The following ABCC1 variants were observed in gnomAD, a reference collection of about 807,000 sequenced individuals.
ABCC1 encodes the protein ATP binding cassette subfamily C member 1 (ABCC1 blood group).
Under a neutral mutation model 172.9 loss-of-function variants are expected in ABCC1, and 83 were observed. The ratio of observed to expected loss-of-function variants is 0.48; its 90% CI spans 0.40 to 0.58. ABCC1 has a LOEUF of 0.58. Among genes scored for constraint, ABCC1 ranks in the 20% least tolerant of loss-of-function variants. ABCC1 has a pLI of 0.00. For synonymous variants in ABCC1, 937 were observed against 825.2 expected (o/e 1.14, Z -2.32); for missense variants, 1,817 against 2,002.7 (o/e 0.91, Z 1.77).
chr16:16,113,269 C>T (rs79860964), intron 22 of ABCC1, among the ~76,000 whole-genome samples: 2,041 of 152,296 alleles, frequency 0.013, 56 homozygotes, highest in African/African-American at 0.047. Context: ...GTGGTATTAC[C>T]TGAACTCACA....
intron 7 of ABCC1, among the ~76,000 whole-genome samples, chr16:16,043,402 G>C (rs1268091980): frequency 6.6e-6 from 1 of 150,802 alleles, no homozygotes; most frequent in Non-Finnish European, 1.5e-5. Context: ...GGGTTTAAGC[G>C]ATTCTCCTGC....
intron 1 of ABCC1, among the ~76,000 whole-genome samples, chr16:15,957,880 C>T (rs1327996883): frequency 6.6e-6 from 1 of 152,246 alleles, no homozygotes; most frequent in East Asian, 1.9e-4. Flanking sequence ...GCATGAGCCA[C>T]TGTGGCCCGC....
rs147714964 is a variant in ABCC1 at position 16,070,566 on chromosome 16, GAGGC to G, written c.1825-1072_1825-1069del. 5.3e-5 allele frequency among the ~76,000 whole-genome samples: 8 copies of G among 152,114 alleles called. No individual in the cohort carries two copies. The East Asian group carries it at 1.4e-3, about 26-fold the overall frequency. On this transcript the variant is annotated intron_variant, in intron 13 of 30. Coordinates refer to ENST00000399410, the MANE Select transcript of ABCC1 (RefSeq NM_004996.4). The stretch of plus-strand genomic sequence containing the variant: ...TGTAGTCCCAGCTACTCGGTTGGCT[GAGGC>G]AGGAGAATGTTGTGAACCCGGGAGG...
intron 27 of ABCC1, among the ~76,000 whole-genome samples, chr16:16,133,324 C>A (rs1161189105): frequency 2.0e-5 from 3 of 152,208 alleles, no homozygotes; most frequent in Non-Finnish European, 4.4e-5. Context: ...CAGATAATTT[C>A]TCTCTGAGTT....
intron 3 of ABCC1, among the ~76,000 whole-genome samples, 182 bp downstream of exon 3, chr16:16,010,083 A>C (rs1392690154): frequency 8.8e-6 from 1 of 114,168 alleles, no homozygotes; most frequent in Non-Finnish European, 1.6e-5. Context: ...TCTCGCTTTC[A>C]TCCAGGCTGG....
At chr16:16,127,916 G>GTTTT (rs371440132) in intron 26 of ABCC1, among the ~76,000 whole-genome samples, 1 of 128,348 alleles carries the variant, frequency 7.8e-6, no homozygotes. Flanking sequence ...ATTTCATTAG[G>GTTTT]TTTTTTTTTT....
chr16:16,010,277 A>C (rs2047729743), intron 3 of ABCC1, among the ~76,000 whole-genome samples: 1 of 151,208 alleles, frequency 6.6e-6, no homozygotes. Flanking sequence ...CTGGTCTTAG[A>C]CTCCTGGCCT....
chr16:16,019,324 G>A (rs1177959340), intron 5 of ABCC1, among the ~76,000 whole-genome samples: 1 of 152,082 alleles, frequency 6.6e-6, no homozygotes, highest in African/African-American at 2.4e-5. Flanking sequence ...GGCTGGTCTC[G>A]AACTCCTGAC....
Position 16,081,848 on chromosome 16 carries a change from C to T in ABCC1, c.2116-1518C>T, listed in dbSNP as rs56684010. 5.3e-3 allele frequency among the ~76,000 whole-genome samples: 810 copies of T among 151,974 alleles called. 8 individuals carry two copies. The highest frequency in any genetic ancestry group is 0.019 in the African/African-American group (780 of 41,446). ...CAGCCTGACCAGCATGGCGAAACCCCGTCTCTACTGAAAATACAAAAATTA... is the reference window on the plus strand; with the variant it reads ...CAGCCTGACCAGCATGGCGAAACCCTGTCTCTACTGAAAATACAAAAATTA... On this transcript the variant is annotated intron_variant, in intron 16 of 30. Transcript: ENST00000399410.
At chr16:15,951,370 G>A (rs745642781) in intron 1 of ABCC1, among the ~76,000 whole-genome samples, 1 of 152,012 alleles carries the variant, frequency 6.6e-6, no homozygotes, top group South Asian at 2.1e-4. Flanking sequence ...ACTCATTCAC[G>A]AAGTCCAGTT....
intron 1 of ABCC1, among the ~76,000 whole-genome samples, chr16:15,956,311 G>A (rs1158828409): frequency 1.3e-5 from 2 of 151,834 alleles, no homozygotes; most frequent in African/African-American, 4.8e-5. Context: ...ACTGCAGTGA[G>A]CCGAGATCGC....
intron 1 of ABCC1, among the ~76,000 whole-genome samples, chr16:15,953,505 CGTA>C (rs1336239795): frequency 6.6e-6 from 1 of 152,130 alleles, no homozygotes; most frequent in Admixed American, 6.5e-5. Flanking sequence ...TGTGGGATAA[CGTA>C]GTACCTAGTG....
chr16:16,033,224 TGAATGAAC>T, intron 6 of ABCC1, 54 bp downstream of exon 6: 10 of 1,523,674 alleles, frequency 6.6e-6, no homozygotes, highest in Non-Finnish European at 9.1e-6. Flanking sequence ...AATGAATGAA[TGAATGAAC>T]GAATGAACAT....
intron 1 of ABCC1, among the ~76,000 whole-genome samples, chr16:15,975,378 A>G (rs555513121): frequency 4.6e-5 from 7 of 152,192 alleles, no homozygotes; most frequent in African/African-American, 1.7e-4. Context: ...CCCAGCTTGT[A>G]CACGTTGTTC....
chr16:16,141,396 C>A lies in ABCC1; in HGVS notation c.*115C>A. On this transcript the variant is annotated 3_prime_UTR_variant, in exon 31 of 31. Coordinates refer to ENST00000399410, the MANE Select transcript of ABCC1 (RefSeq NM_004996.4). Reference sequence around the variant, plus strand: ...CACACTGAAACCAAAACATAAAAACCAAACCCAGACAACCAAAACATATTC... The same window carrying A: ...CACACTGAAACCAAAACATAAAAACAAAACCCAGACAACCAAAACATATTC... 1.1e-6 allele frequency: 1 copy of A among 911,644 alleles called. No individual in the cohort carries two copies. The highest frequency in any genetic ancestry group is 1.5e-5 in the South Asian group (1 of 64,586). The allele number at this position is 911,644 out of a possible 1,614,324, so 56.5% of individuals were successfully genotyped here.
intron 19 of ABCC1, among the ~76,000 whole-genome samples, chr16:16,094,829 T>C (rs1372908393): frequency 6.8e-6 from 1 of 147,410 alleles, no homozygotes; most frequent in Non-Finnish European, 1.5e-5. Flanking sequence ...TTTTTTTTTT[T>C]TTTTTTTGAT....
intron 23 of ABCC1, among the ~76,000 whole-genome samples, chr16:16,117,201 G>C (rs1438917734): frequency 1.3e-4 from 20 of 152,214 alleles, no homozygotes; most frequent in Non-Finnish European, 5.9e-5. Context: ...TTGACTCACA[G>C]TTCCGCATGG....
intron 1 of ABCC1, among the ~76,000 whole-genome samples, chr16:15,956,562 C>T (rs1024369213): frequency 1.3e-5 from 2 of 152,028 alleles, no homozygotes; most frequent in Non-Finnish European, 2.9e-5. Flanking sequence ...GTCTCAAACT[C>T]CTGGCCTCAA....
At chr16:16,037,610 G>A (rs2151849218) in intron 7 of ABCC1, among the ~76,000 whole-genome samples, 1 of 152,340 alleles carries the variant, frequency 6.6e-6, no homozygotes. Context: ...TAGAATGGCT[G>A]TTTTTGTTCC....
Sources: gnomAD v4.1 joint callset for allele counts (sites outside exome capture counted in the v4.1 genomes callset) on GRCh38, gnomAD v4.1.1 for gene constraint, MANE v1.5 for transcripts, NCBI Gene and HGNC (gene_info 2026-07-23, HGNC 2026-07-21) for gene names.